MAN1A1: variants seen among roughly 807,000 people sequenced by gnomAD.
MAN1A1 encodes mannosyl-oligosaccharide 1,2-alpha-mannosidase IA.
MAN1A1 carries 29 observed loss-of-function variants against 70.8 expected under a neutral mutation model. The observed-to-expected ratio is 0.41, with a 90% CI of 0.31 to 0.56. The LOEUF (loss-of-function observed/expected upper bound fraction) is 0.56. Ranked by LOEUF, MAN1A1 falls within the 20% of genes least tolerant of loss-of-function variation. The probability of loss-of-function intolerance (pLI) is 0.29; values close to 1 mark genes in which losing one functional copy is unlikely to be tolerated. For missense variants in MAN1A1, 747 were observed against 841.3 expected, an observed-to-expected ratio of 0.89 and a Z score of 1.39; for synonymous variants, 349 against 330.1, an observed-to-expected ratio of 1.06 and a Z score of -0.62.
At chr6:119,310,968 A>G (rs1256425738) in intron 2 of MAN1A1, among the ~76,000 whole-genome samples, 1 of 152,186 alleles carries the variant, frequency 6.6e-6, no homozygotes, top group East Asian at 1.9e-4. Context: ...ACTGAGGAGT[A>G]AGGCGTAAAA....
chr6:119,278,418 G>T (rs1776136479), intron 5 of MAN1A1, among the ~76,000 whole-genome samples: 1 of 152,002 alleles, frequency 6.6e-6, no homozygotes, highest in Non-Finnish European at 1.5e-5. Flanking sequence ...ACTTCATTCT[G>T]CATGAATATT....
intron 2 of MAN1A1, among the ~76,000 whole-genome samples, chr6:119,307,811 A>G (rs1772573839): frequency 6.6e-6 from 1 of 152,210 alleles, no homozygotes; most frequent in Non-Finnish European, 1.5e-5. Context: ...ATATGGACAT[A>G]ATTGAAAAAG....
At chr6:119,289,814 T>C (rs916714493) in intron 5 of MAN1A1, among the ~76,000 whole-genome samples, 1 of 152,074 alleles carries the variant, frequency 6.6e-6, no homozygotes, top group Non-Finnish European at 1.5e-5. Context: ...TGCTTAAATC[T>C]GTTTGAAGGA....
At chr6:119,241,989 T>C (rs941088201) in intron 6 of MAN1A1, among the ~76,000 whole-genome samples, 13 of 151,438 alleles carry the variant, frequency 8.6e-5, no homozygotes, top group African/African-American at 2.7e-4. Context: ...TGTGTGTATA[T>C]ATATATTAGA....
At chr6:119,277,555 C>T (rs562243052) in intron 5 of MAN1A1, among the ~76,000 whole-genome samples, 2 of 152,196 alleles carry the variant, frequency 1.3e-5, no homozygotes, top group African/African-American at 2.4e-5. Context: ...GGGGCAGTGG[C>T]TCACATCTAT....
chr6:119,199,250 C>T (rs1773652314), intron 8 of MAN1A1, among the ~76,000 whole-genome samples: 1 of 152,180 alleles, frequency 6.6e-6, no homozygotes, highest in Non-Finnish European at 1.5e-5. Flanking sequence ...TAATCATTGG[C>T]ACAAATACTG....
Position 119,193,725 on chromosome 6 carries a change from A to G in MAN1A1, c.1326+52T>C. The G allele has an allele frequency of 4.0e-6, 5 of 1,256,390 alleles. No homozygotes were observed. The South Asian group carries it at 6.5e-5, about 16-fold the overall frequency. 77.8% of individuals were successfully genotyped at this position (1,256,390 alleles called of 1,614,324 possible). ...TTATTCATTAAAACTTGATTAATAT[A>G]CAAATTATAAGTTAGGGCTGAGTGG... On this transcript the variant is annotated intron_variant, in intron 9 of 12. Coordinates refer to ENST00000368468, the MANE Select transcript of MAN1A1 (RefSeq NM_005907.4).
At chr6:119,266,674 G>C (rs1775763071) in intron 5 of MAN1A1, among the ~76,000 whole-genome samples, 1 of 152,090 alleles carries the variant, frequency 6.6e-6, no homozygotes, top group Non-Finnish European at 1.5e-5. Flanking sequence ...AGATGACCCT[G>C]GGTTTGGAGA....
At chr6:119,340,281 C>T (rs1773564551) in intron 2 of MAN1A1, among the ~76,000 whole-genome samples, 1 of 152,114 alleles carries the variant, frequency 6.6e-6, no homozygotes, top group South Asian at 2.1e-4. Context: ...TAGTACATAG[C>T]TCCAGCATGT....
chr6:119,180,574 A>T, intron 11 of MAN1A1, 147 bp from the exon 12 acceptor site: 1 of 560,036 alleles, frequency 1.8e-6, no homozygotes, highest in Non-Finnish European at 3.2e-6. Context: ...GTACAGTGGC[A>T]CCATCATGGG....
At position 119,348,523 on chromosome 6, in the gene MAN1A1, C is replaced by A; in HGVS notation, c.543G>T (p.Gly181=). 6.2e-7 allele frequency: 1 copy of A among 1,612,416 alleles called. No individual in the cohort carries two copies. The highest frequency in any genetic ancestry group is 8.5e-7 in the Non-Finnish European group (1 of 1,179,302). The change falls in exon 2 of 13, where the codon GGG becomes GGT. Residue 181 remains glycine, a synonymous_variant. Coordinates refer to ENST00000368468, the MANE Select transcript of MAN1A1 (RefSeq NM_005907.4). ...LPPVDFVPPI[G]VESREPADAA... ...CGTCGGCGGGCTCCCGGCTCTCCAC[C>A]CCGATTGGGGGCACGAAGTCCACCG... is the stretch of plus-strand genomic sequence containing the variant.
chr6:119,296,248 T>C (rs922433335), intron 4 of MAN1A1, among the ~76,000 whole-genome samples: 2 of 152,172 alleles, frequency 1.3e-5, no homozygotes, highest in African/African-American at 4.8e-5. Context: ...CACAAAGATA[T>C]GCAAATACCT....
At chr6:119,267,701 C>T (rs1230388288) in intron 5 of MAN1A1, among the ~76,000 whole-genome samples, 1 of 152,134 alleles carries the variant, frequency 6.6e-6, no homozygotes, top group African/African-American at 2.4e-5. Context: ...CTTCTCTCTC[C>T]CCCAAAGTAA....
At chr6:119,187,438 A>C (rs1773320317) in intron 11 of MAN1A1, among the ~76,000 whole-genome samples, 1 of 152,216 alleles carries the variant, frequency 6.6e-6, no homozygotes, top group African/African-American at 2.4e-5. Context: ...TGCCCCCTCA[A>C]AGAGGCCTAG....
chr6:119,278,813 C>T (rs1776149421), intron 5 of MAN1A1, among the ~76,000 whole-genome samples: 1 of 152,002 alleles, frequency 6.6e-6, no homozygotes, highest in Non-Finnish European at 1.5e-5. Context: ...ATGGCACCTC[C>T]CTTCTCTCTC....
intron 4 of MAN1A1, among the ~76,000 whole-genome samples, chr6:119,301,431 T>C (rs755369005): frequency 6.6e-5 from 10 of 152,340 alleles, no homozygotes; most frequent in South Asian, 2.1e-4. Flanking sequence ...CTAAGAATGA[T>C]AGCATACAGA....
At chr6:119,214,017 T>G (rs980803995) in intron 6 of MAN1A1, among the ~76,000 whole-genome samples, 12 of 152,190 alleles carry the variant, frequency 7.9e-5, no homozygotes, top group Non-Finnish European at 8.8e-5. Flanking sequence ...CAGGCTGGAG[T>G]GCAGTGGCAC....
chr6:119,325,430 G>T (rs1159833917), intron 2 of MAN1A1, among the ~76,000 whole-genome samples: 1 of 152,174 alleles, frequency 6.6e-6, no homozygotes, highest in African/African-American at 2.4e-5. Flanking sequence ...GGCCGAGGTG[G>T]GTGGATCACT....
At chr6:119,260,748 A>G (rs1367587303) in intron 5 of MAN1A1, among the ~76,000 whole-genome samples, 1 of 152,172 alleles carries the variant, frequency 6.6e-6, no homozygotes, top group African/African-American at 2.4e-5. Context: ...AGTACTATAA[A>G]CAACTCAATG....
Sources: gnomAD v4.1 joint callset for allele counts (sites outside exome capture counted in the v4.1 genomes callset) on GRCh38, gnomAD v4.1.1 for gene constraint, MANE v1.5 for transcripts, NCBI Gene and HGNC (gene_info 2026-07-23, HGNC 2026-07-21) for gene names.